The following NRP1 variants were observed in gnomAD, a reference collection of about 807,000 sequenced individuals.
The protein encoded by NRP1 is neuropilin 1.
In NRP1, 35 loss-of-function variants were observed where a neutral mutation model predicts 106.7. The ratio of observed to expected loss-of-function variants is 0.33; its 90% CI spans 0.25 to 0.43. The LOEUF (loss-of-function observed/expected upper bound fraction) is 0.43, where lower values mean the gene tolerates loss of function less well. Ranked by LOEUF, NRP1 falls within the 20% of genes least tolerant of loss-of-function variation. The pLI is 1.00. For synonymous variants in NRP1, 437 were observed against 417.9 expected (o/e 1.05, Z -0.56); for missense variants, 1,024 against 1,170.4 (o/e 0.87, Z 1.83).
intron 2 of NRP1, among the ~76,000 whole-genome samples, chr10:33,276,056 A>T (rs1360747237): frequency 2.0e-5 from 3 of 152,192 alleles, no homozygotes; most frequent in Non-Finnish European, 4.4e-5. Context: ...TGCAGAAAAA[A>T]TCTAGACGGA....
chr10:33,281,297 A>T (rs1374841360), intron 2 of NRP1, among the ~76,000 whole-genome samples: 2 of 152,024 alleles, frequency 1.3e-5, no homozygotes, highest in Non-Finnish European at 2.9e-5. Flanking sequence ...CAATCCACCC[A>T]TCTCGGCCTC....
intron 8 of NRP1, among the ~76,000 whole-genome samples, chr10:33,220,255 AT>A (rs558709291): frequency 2.6e-5 from 4 of 152,164 alleles, no homozygotes; most frequent in Non-Finnish European, 5.9e-5. Flanking sequence ...TGCCAAAGTG[AT>A]TTTTTTTCCT....
intron 2 of NRP1, among the ~76,000 whole-genome samples, chr10:33,311,038 C>T (rs1846573036): frequency 6.6e-6 from 1 of 152,152 alleles, no homozygotes; most frequent in South Asian, 2.1e-4. Flanking sequence ...GCACAGCAGG[C>T]TGGTGAGTGT....
chr10:33,196,369 G>A (rs1836787009), intron 12 of NRP1, among the ~76,000 whole-genome samples: 1 of 152,128 alleles, frequency 6.6e-6, no homozygotes, highest in Non-Finnish European at 1.5e-5. Flanking sequence ...AAAGGACATA[G>A]AGAACCAACT....
At chr10:33,235,028 G>A (rs181248774) in intron 6 of NRP1, among the ~76,000 whole-genome samples, 15 of 152,316 alleles carry the variant, frequency 9.8e-5, no homozygotes, top group Admixed American at 8.5e-4. Context: ...TTTGGCAGAT[G>A]AAAGGAGATA....
intron 2 of NRP1, among the ~76,000 whole-genome samples, chr10:33,311,512 G>A (rs1846605095): frequency 6.6e-6 from 1 of 152,160 alleles, no homozygotes; most frequent in Non-Finnish European, 1.5e-5. Context: ...AATGATGCCT[G>A]TTTTGTTCAC....
In NRP1 at chr10:33,207,518, A is replaced by G. The variant is rs77907161; in HGVS notation, c.1759+54T>C. On this transcript the variant is annotated intron_variant, in intron 10 of 16. Coordinates refer to ENST00000374867, the MANE Select transcript of NRP1 (RefSeq NM_003873.7). ...AAGGCACCATCAGGGGCATAAATGC[A>G]TGGAAGAGGAAATTTAAAAACGCAT... 6.0e-4 allele frequency: 964 copies of G among 1,605,280 alleles called. 18 individuals carry two copies. In the East Asian group the frequency reaches 0.015, roughly 25 times the overall value.
At chr10:33,239,083 G>A (rs773549122) in intron 6 of NRP1, among the ~76,000 whole-genome samples, 1 of 152,168 alleles carries the variant, frequency 6.6e-6, no homozygotes, top group East Asian at 1.9e-4. Flanking sequence ...TTGAGCTCAG[G>A]AGTTCAAGAT....
intron 6 of NRP1, among the ~76,000 whole-genome samples, chr10:33,247,757 G>A (rs1241475840): frequency 1.3e-5 from 2 of 152,170 alleles, no homozygotes; most frequent in Non-Finnish European, 2.9e-5. Context: ...CAATGCACGC[G>A]CTGGCCACGG....
At chr10:33,264,381 T>C (rs1354341949) in intron 3 of NRP1, among the ~76,000 whole-genome samples, 3 of 152,148 alleles carry the variant, frequency 2.0e-5, no homozygotes, top group Non-Finnish European at 4.4e-5. Context: ...ACAAACGAAA[T>C]GTGAAAGGTA....
At chr10:33,321,797 A>G (rs1483313332) in intron 2 of NRP1, among the ~76,000 whole-genome samples, 3 of 152,174 alleles carry the variant, frequency 2.0e-5, no homozygotes, top group African/African-American at 4.8e-5. Flanking sequence ...GAGAACTTGA[A>G]TTGAGAGACA....
chr10:33,266,404 C>G (rs553075172), intron 3 of NRP1, among the ~76,000 whole-genome samples: 1 of 152,328 alleles, frequency 6.6e-6, no homozygotes, highest in Non-Finnish European at 1.5e-5. Context: ...CTCAACATTT[C>G]TGGTTCTCAA....
chr10:33,270,298 T>C (rs563167053), intron 3 of NRP1, among the ~76,000 whole-genome samples: 1 of 152,236 alleles, frequency 6.6e-6, no homozygotes, highest in South Asian at 2.1e-4. Context: ...TTTCACTTTG[T>C]CTTTCGTGAA....
intron 2 of NRP1, among the ~76,000 whole-genome samples, chr10:33,312,940 T>C (rs1846712464): frequency 6.6e-6 from 1 of 152,204 alleles, no homozygotes; most frequent in Admixed American, 6.5e-5. Flanking sequence ...CAATTGCACT[T>C]AAAGCACACC....
intron 2 of NRP1, among the ~76,000 whole-genome samples, chr10:33,319,507 C>G (rs1218965124): frequency 6.6e-6 from 1 of 151,842 alleles, no homozygotes; most frequent in African/African-American, 2.4e-5. Flanking sequence ...AAGCTTTGTT[C>G]TTTCCCTCCT....
At chr10:33,265,396 T>C (rs182874298) in intron 3 of NRP1, among the ~76,000 whole-genome samples, 44 of 152,324 alleles carry the variant, frequency 2.9e-4, no homozygotes, top group Non-Finnish European at 5.4e-4. Flanking sequence ...AAGGATTCAA[T>C]TCTAAATAAG....
At chr10:33,273,552 G>T (rs2133318094) in intron 2 of NRP1, among the ~76,000 whole-genome samples, 1 of 152,266 alleles carries the variant, frequency 6.6e-6, no homozygotes, top group Non-Finnish European at 1.5e-5. Flanking sequence ...CGATCCCGAA[G>T]CCGGCTGCAG....
At chr10:33,183,781 T>C (rs796343480) in intron 15 of NRP1, among the ~76,000 whole-genome samples, 16 of 152,364 alleles carry the variant, frequency 1.1e-4, no homozygotes, top group African/African-American at 3.8e-4. Flanking sequence ...CACACCCAGA[T>C]GTTCAAGGAT....
At chr10:33,222,233 G>C (rs1288090037) in intron 7 of NRP1, among the ~76,000 whole-genome samples, 1 of 152,158 alleles carries the variant, frequency 6.6e-6, no homozygotes, top group Non-Finnish European at 1.5e-5. Flanking sequence ...ACTTTCCCAA[G>C]AATCCCCAGA....
Sources: gnomAD v4.1 joint callset for allele counts (sites outside exome capture counted in the v4.1 genomes callset) on GRCh38, gnomAD v4.1.1 for gene constraint, MANE v1.5 for transcripts, NCBI Gene and HGNC (gene_info 2026-07-23, HGNC 2026-07-21) for gene names.